The following SLC9A2 variants were observed in gnomAD, a reference collection of about 807,000 sequenced individuals.
SLC9A2 encodes the protein solute carrier family 9 member A2, also known as sodium/hydrogen exchanger 2.
SLC9A2 carries 42 observed loss-of-function variants against 71.7 expected under a neutral mutation model. That is an observed-to-expected ratio of 0.59 (90% CI 0.46 to 0.76). The LOEUF is 0.76. Among genes scored for constraint, SLC9A2 ranks in the 30% least tolerant of loss-of-function variants. The pLI is 0.00. For missense variants in SLC9A2, 829 were observed against 1,017.4 expected (o/e 0.81, Z 2.52); for synonymous variants, 396 against 392.5 (o/e 1.01, Z -0.10).
chr2:102,684,094 T>G lies in SLC9A2; in HGVS notation c.1223-40T>G, dbSNP rs765837721. ...GTCTATGTATTTTCATATTTTGGCC[T>G]CACCCAGTCTGTTTCCTCTTGGGTT... On this transcript the variant is annotated intron_variant, in intron 4 of 11. Coordinates refer to ENST00000233969, the MANE Select transcript of SLC9A2 (RefSeq NM_003048.6). 4.6e-6 allele frequency: 7 copies of G among 1,509,812 alleles called. No homozygotes were observed. The South Asian group carries it at 7.9e-5, about 17-fold the overall frequency. The allele number at this position is 1,509,812 out of a possible 1,614,324, so 93.5% of individuals were successfully genotyped here.
chr2:102,637,293 G>C (rs189941782), intron 1 of SLC9A2, among the ~76,000 whole-genome samples: 1 of 152,322 alleles, frequency 6.6e-6, no homozygotes, highest in Admixed American at 6.5e-5. Flanking sequence ...GGCTGTATGA[G>C]AAATTCCCTT....
intron 1 of SLC9A2, among the ~76,000 whole-genome samples, chr2:102,634,885 A>G (rs1370231452): frequency 3.3e-5 from 5 of 152,156 alleles, no homozygotes; most frequent in Non-Finnish European, 7.3e-5. Flanking sequence ...GAGACTCCCT[A>G]TAAGAGTAGG....
At chr2:102,706,903 A>G (rs544076397) in intron 11 of SLC9A2, among the ~76,000 whole-genome samples, 3 of 152,380 alleles carry the variant, frequency 2.0e-5, no homozygotes, top group East Asian at 3.9e-4. Flanking sequence ...CTTTATGTAG[A>G]CACCGAAGCC....
chr2:102,665,142 A>G lies in SLC9A2; in HGVS notation c.796A>G (p.Ile266Val). 6.2e-7 allele frequency: 1 copy of G among 1,613,836 alleles called. No homozygotes were observed. Among genetic ancestry groups the G allele is most frequent in the East Asian group, 2.2e-5 (1 of 44,868 alleles). ...CAAGTCGTTTTGCCAGATGAAAACC[A>G]TTGAGACCATTGATGTGTTTGCAGG... ...LFKSFCQMKT[I>V]ETIDVFAGIA... is the part of the protein sequence containing the mutation. Residue 266 changes from isoleucine (I) to valine (V), a missense_variant, in exon 3 of 12, where the codon ATT becomes GTT. By Grantham distance (29) the Ile-to-Val change is conservative. This residue lies in a region of SLC9A2 where 500 missense variants were observed against 726.3 expected (regional missense o/e 0.69). Coordinates refer to ENST00000233969, the MANE Select transcript of SLC9A2 (RefSeq NM_003048.6).
chr2:102,699,639 G>A (rs1000091887), intron 7 of SLC9A2, among the ~76,000 whole-genome samples: 1 of 152,168 alleles, frequency 6.6e-6, no homozygotes, highest in Non-Finnish European at 1.5e-5. Flanking sequence ...AATTGCTGAT[G>A]GCGCAAAGAT....
At chr2:102,680,100 A>G (rs1021429934) in intron 3 of SLC9A2, among the ~76,000 whole-genome samples, 60 of 152,326 alleles carry the variant, frequency 3.9e-4, no homozygotes, top group African/African-American at 1.3e-3. Flanking sequence ...GGATTAGAGA[A>G]TTAAAAAATA....
At position 102,705,924 on chromosome 2, in the gene SLC9A2, A is replaced by G; in HGVS notation, c.2056A>G (p.Ile686Val). ...AGAAAAGCTACAAAAGAGGAGGACT[A>G]TTTCTATTGCAGGTAGTGAATATAG... ...LPEKLQKRRTISIADGNSSDS... is the reference protein window; with the variant it reads ...LPEKLQKRRTVSIADGNSSDS... Residue 686 changes from isoleucine to valine, a missense_variant, in exon 11 of 12, where the codon ATT (isoleucine) becomes GTT (valine). This residue lies in a region of SLC9A2 where 223 missense variants were observed against 197.5 expected (regional missense o/e 1.13). Coordinates refer to ENST00000233969, the MANE Select transcript of SLC9A2 (RefSeq NM_003048.6). The G allele has an allele frequency of 6.3e-7, 1 of 1,595,936 alleles. No individual in the cohort carries two copies. The highest frequency in any genetic ancestry group is 1.7e-5 in the Admixed American group (1 of 58,560).
At chr2:102,695,789 T>TAA (rs1491564116) in intron 7 of SLC9A2, among the ~76,000 whole-genome samples, 2 of 37,120 alleles carry the variant, frequency 5.4e-5, no homozygotes, top group Non-Finnish European at 1.1e-4. Flanking sequence ...TATATATATA[T>TAA]TATATATATA....
At chr2:102,643,786 A>G (rs1676658609) in intron 1 of SLC9A2, among the ~76,000 whole-genome samples, 1 of 151,950 alleles carries the variant, frequency 6.6e-6, no homozygotes, top group Admixed American at 6.6e-5. Context: ...GTTTTTGTTA[A>G]AGAGATGGAG....
chr2:102,632,359 A>G (rs185928815), intron 1 of SLC9A2, among the ~76,000 whole-genome samples: 1 of 150,580 alleles, frequency 6.6e-6, no homozygotes, highest in African/African-American at 2.4e-5. Context: ...AAGAGACTTA[A>G]GCCAAGAGAA....
chr2:102,664,909 A>G (rs1255610924), intron 2 of SLC9A2, among the ~76,000 whole-genome samples, 191 bp from the exon 3 acceptor site: 1 of 152,176 alleles, frequency 6.6e-6, no homozygotes, highest in East Asian at 1.9e-4. Flanking sequence ...TTTTATTGAA[A>G]GGTTTTTTGG....
intron 5 of SLC9A2, 114 bp downstream of exon 5, chr2:102,684,450 T>A (rs1401652714): frequency 1.7e-5 from 16 of 947,728 alleles, no homozygotes; most frequent in Non-Finnish European, 2.7e-5. Flanking sequence ...AGTTAATTAC[T>A]AGGGAAAATG....
At chr2:102,687,075 C>A (rs189268213) in intron 5 of SLC9A2, among the ~76,000 whole-genome samples, 5 of 152,186 alleles carry the variant, frequency 3.3e-5, no homozygotes, top group African/African-American at 1.2e-4. Context: ...TTAGGTTAAA[C>A]GAGAGTCTGG....
At chr2:102,640,656 G>A (rs535722546) in intron 1 of SLC9A2, among the ~76,000 whole-genome samples, 20 of 152,176 alleles carry the variant, frequency 1.3e-4, no homozygotes, top group East Asian at 7.7e-4. Context: ...GCTCCACCAC[G>A]TACCCACCAA....
intron 7 of SLC9A2, among the ~76,000 whole-genome samples, chr2:102,700,823 G>GT: frequency 6.6e-6 from 1 of 151,690 alleles, no homozygotes; most frequent in Admixed American, 6.6e-5. Flanking sequence ...ATGTGTATGT[G>GT]TATGTATATA....
At position 102,619,931 on chromosome 2, in the gene SLC9A2, C is replaced by T. The variant is rs745400135; in HGVS notation, c.83C>T (p.Pro28Leu). The T allele has an allele frequency of 1.7e-5, 28 of 1,605,674 alleles. No individual in the cohort carries two copies. In the South Asian group the frequency reaches 2.3e-4, roughly 13 times the overall value. The change falls in exon 1 of 12, where the codon CCC becomes CTC. Residue 28 changes from proline to leucine, a missense_variant. Coordinates refer to ENST00000233969, the MANE Select transcript of SLC9A2 (RefSeq NM_003048.6). The surrounding 1 kb of genome is among the most constrained non-coding windows in gnomAD (Gnocchi z 4.3). ...CTGCTGCTCCTGCAGGTGGCGGGGC[C>T]CGTGGGCGCCCTGGCGGAGACCTTG... The part of the protein sequence containing the change: ...LLLLLLQVAG[P>L]VGALAETLLN...
intron 2 of SLC9A2, among the ~76,000 whole-genome samples, chr2:102,658,444 A>G (rs1198245521): frequency 6.6e-6 from 1 of 152,030 alleles, no homozygotes; most frequent in Non-Finnish European, 1.5e-5. Flanking sequence ...TCTTTGTGAG[A>G]AGTAATACTG....
chr2:102,668,809 C>T (rs1275620037), intron 3 of SLC9A2, among the ~76,000 whole-genome samples: 2 of 152,240 alleles, frequency 1.3e-5, no homozygotes, highest in Non-Finnish European at 2.9e-5. Context: ...CCTCCTCCAC[C>T]TTCTACCATT....
At chr2:102,639,810 C>T (rs957400672) in intron 1 of SLC9A2, among the ~76,000 whole-genome samples, 1 of 152,136 alleles carries the variant, frequency 6.6e-6, no homozygotes, top group Non-Finnish European at 1.5e-5. Context: ...AGTATTTGTT[C>T]TTCTATGTCT....
Sources: allele counts gnomAD v4.1 joint callset (sites outside exome capture counted in the v4.1 genomes callset), GRCh38; gene constraint gnomAD v4.1.1; regional missense constraint gnomAD v4.1.1; non-coding constraint Gnocchi (gnomAD v3.1); transcripts MANE v1.5; gene names NCBI Gene and HGNC (gene_info 2026-07-23, HGNC 2026-07-21).